MYO5B: variants seen among roughly 807,000 people sequenced by gnomAD.
MYO5B encodes myosin VB, also known as unconventional myosin-Vb.
MYO5B carries 143 observed loss-of-function variants against 229.3 expected under a neutral mutation model. The ratio of observed to expected loss-of-function variants is 0.62; its 90% CI spans 0.54 to 0.72. MYO5B has a LOEUF of 0.72. MYO5B is among the 30% of genes least tolerant of loss of function. MYO5B has a pLI of 0.00. For synonymous variants in MYO5B, 918 were observed against 885.2 expected (o/e 1.04, Z -0.66); for missense variants, 2,321 against 2,331.0 (o/e 1.00, Z 0.09).
Position 49,879,087 on chromosome 18 carries a change from T to C in MYO5B, c.3134A>G (p.Glu1045Gly), listed in dbSNP as rs2024558604. The C allele has an allele frequency of 6.2e-7, 1 of 1,614,074 alleles. No individual in the cohort carries two copies. The highest frequency in any genetic ancestry group is 1.3e-5 in the African/African-American group (1 of 74,926). ...NNQILCQSKD[E>G]FAQNSVKENL... ...TTCCTTCACAGAGTTCTGGGCAAAT[T>C]CATCTGGAAAGCAACACGCTAAGCT... The change falls in exon 24 of 40, where the codon GAA (glutamate) becomes GGA (glycine). Residue 1045 changes from glutamate (E) to glycine (G), a missense_variant. By Grantham distance (98) the Glu-to-Gly change is moderately conservative. This residue lies in a region of MYO5B where 2,113 missense variants were observed against 2,044.7 expected (regional missense o/e 1.03). Transcript: ENST00000285039.
chr18:49,880,520 G>A (rs2024574976), intron 22 of MYO5B, 65 bp from the exon 23 acceptor site: 8 of 1,297,694 alleles, frequency 6.2e-6, no homozygotes, highest in Non-Finnish European at 9.0e-6. Flanking sequence ...TCCTCTTGTG[G>A]GATTTGAATT....
intron 1 of MYO5B, among the ~76,000 whole-genome samples, chr18:50,172,713 G>T (rs1233356061): frequency 1.3e-5 from 2 of 152,214 alleles, no homozygotes; most frequent in African/African-American, 4.8e-5. Context: ...CAGGACAAGT[G>T]CTGCTCTCCT....
At chr18:50,017,365 T>C (rs1455043480) in intron 4 of MYO5B, among the ~76,000 whole-genome samples, 2 of 152,162 alleles carry the variant, frequency 1.3e-5, no homozygotes, top group East Asian at 3.9e-4. Context: ...ACTCAAATGA[T>C]CCACCCGCCT....
chr18:50,131,070 T>C (rs2032247198), intron 1 of MYO5B, among the ~76,000 whole-genome samples: 1 of 152,202 alleles, frequency 6.6e-6, no homozygotes, highest in Non-Finnish European at 1.5e-5. Context: ...GGAATCAAGT[T>C]CTGCTTAGGT....
intron 10 of MYO5B, among the ~76,000 whole-genome samples, chr18:49,965,540 T>C (rs2025615538): frequency 6.6e-6 from 1 of 151,492 alleles, no homozygotes; most frequent in Admixed American, 6.6e-5. Context: ...GCCCCACTAA[T>C]GAGAGCCCAC....
intron 8 of MYO5B, among the ~76,000 whole-genome samples, chr18:49,983,213 G>A (rs973394199): frequency 4.6e-5 from 7 of 152,218 alleles, no homozygotes; most frequent in African/African-American, 1.7e-4. Flanking sequence ...CTGGTAGAAT[G>A]TCAAGCTTGC....
intron 16 of MYO5B, among the ~76,000 whole-genome samples, chr18:49,931,535 C>T (rs2025191860): frequency 6.6e-6 from 1 of 152,162 alleles, no homozygotes; most frequent in Non-Finnish European, 1.5e-5. Flanking sequence ...GAGTAAAAGC[C>T]CCTTAGTGCG....
chr18:50,035,291 A>C (rs371036997), intron 4 of MYO5B, among the ~76,000 whole-genome samples: 105 of 152,190 alleles, frequency 6.9e-4, no homozygotes, highest in African/African-American at 2.5e-3. Flanking sequence ...ATGGGATGAA[A>C]GCATCCAGCC....
Position 50,189,668 on chromosome 18 carries a change from T to C in MYO5B, c.27+5099A>G, listed in dbSNP as rs112801446. ...CTGACACTTTTCAAGTCCTCATGTCTTTAACACTGTCACCACTTTTTGGAA... is the reference window on the plus strand; with the variant it reads ...CTGACACTTTTCAAGTCCTCATGTCCTTAACACTGTCACCACTTTTTGGAA... On this transcript the variant is annotated intron_variant, in intron 1 of 39. Transcript: ENST00000285039. 1.0e-2 allele frequency among the ~76,000 whole-genome samples: 1,522 copies of C among 152,270 alleles called. 24 individuals carry two copies. Among genetic ancestry groups the C allele is most frequent in the African/African-American group, 0.035 (1,437 of 41,544 alleles).
chr18:50,148,343 C>T (rs1003012733), intron 1 of MYO5B, among the ~76,000 whole-genome samples: 8 of 151,146 alleles, frequency 5.3e-5, no homozygotes, highest in Admixed American at 4.6e-4. Context: ...ATGAGGCCAG[C>T]ATCATCCTGA....
At chr18:50,057,320 C>CT (rs760931972) in intron 1 of MYO5B, among the ~76,000 whole-genome samples, 85 of 152,350 alleles carry the variant, frequency 5.6e-4, no homozygotes, top group Admixed American at 2.2e-3. Flanking sequence ...GGGACTCCCC[C>CT]TTCAGCCAGC....
intron 21 of MYO5B, among the ~76,000 whole-genome samples, 160 bp from the exon 22 acceptor site, chr18:49,895,334 C>T (rs999013392): frequency 6.6e-5 from 10 of 152,198 alleles, no homozygotes; most frequent in Non-Finnish European, 1.5e-5. Context: ...TGGCATCTCC[C>T]TAACAAAACA....
At chr18:49,915,552 T>C (rs1005724960) in intron 17 of MYO5B, among the ~76,000 whole-genome samples, 1 of 152,238 alleles carries the variant, frequency 6.6e-6, no homozygotes, top group Non-Finnish European at 1.5e-5. Context: ...CTTTGCCCTT[T>C]ACTCACCGAG....
chr18:49,991,618 G>A (rs1453791349), intron 6 of MYO5B, among the ~76,000 whole-genome samples: 1 of 152,156 alleles, frequency 6.6e-6, no homozygotes, highest in African/African-American at 2.4e-5. Context: ...TCTGGGAATT[G>A]AACAATGAGA....
At chr18:50,007,372 T>C (rs146967741) in intron 4 of MYO5B, among the ~76,000 whole-genome samples, 102 of 152,260 alleles carry the variant, frequency 6.7e-4, no homozygotes, top group African/African-American at 2.3e-3. Context: ...TACCTTTTAG[T>C]CCACACCATC....
intron 7 of MYO5B, among the ~76,000 whole-genome samples, chr18:49,989,497 G>A (rs1179820875): frequency 2.0e-5 from 3 of 152,146 alleles, no homozygotes; most frequent in Non-Finnish European, 4.4e-5. Context: ...ATGGCAGGAA[G>A]TGTGGCAGAC....
At chr18:50,193,277 T>TC (rs896711604) in intron 1 of MYO5B, among the ~76,000 whole-genome samples, 1 of 152,050 alleles carries the variant, frequency 6.6e-6, no homozygotes, top group Non-Finnish European at 1.5e-5. Context: ...TCCCACCTCC[T>TC]CCCCTCCTCC....
At chr18:50,108,361 G>A (rs147446352) in intron 1 of MYO5B, among the ~76,000 whole-genome samples, 37 of 152,346 alleles carry the variant, frequency 2.4e-4, no homozygotes, top group African/African-American at 8.4e-4. Context: ...TGCATTAAGT[G>A]AGATATGTTC....
chr18:49,962,239 T>C, intron 12 of MYO5B, 27 bp downstream of exon 12: 2 of 1,613,924 alleles, frequency 1.2e-6, no homozygotes, highest in Non-Finnish European at 1.7e-6. Flanking sequence ...ACCCTAGAAT[T>C]GAACTAATTT....
Sources: allele counts gnomAD v4.1 joint callset (sites outside exome capture counted in the v4.1 genomes callset), GRCh38; gene constraint gnomAD v4.1.1; regional missense constraint gnomAD v4.1.1; transcripts MANE v1.5; gene names NCBI Gene and HGNC (gene_info 2026-07-23, HGNC 2026-07-21).